The following EBF1 variants were observed in gnomAD, a reference collection of about 807,000 sequenced individuals.
EBF1 encodes the protein transcription factor COE1.
EBF1 carries 10 observed loss-of-function variants against 68.4 expected under a neutral mutation model. The ratio of observed to expected loss-of-function variants is 0.15; its 90% CI spans 0.09 to 0.25. The LOEUF is 0.25. EBF1 is among the 10% of genes least tolerant of loss of function. EBF1 has a pLI of 1.00. For synonymous variants in EBF1, 298 were observed against 299.8 expected (o/e 0.99, Z 0.06); for missense variants, 509 against 794.4 (o/e 0.64, Z 4.32).
At chr5:159,062,262 C>T (rs1775989261) in intron 6 of EBF1, among the ~76,000 whole-genome samples, 1 of 152,196 alleles carries the variant, frequency 6.6e-6, no homozygotes, top group African/African-American at 2.4e-5. Flanking sequence ...AATGTGAGGG[C>T]CTCTGCTTCT....
intron 6 of EBF1, among the ~76,000 whole-genome samples, chr5:158,977,152 C>G (rs1756935590): frequency 6.6e-6 from 1 of 152,200 alleles, no homozygotes; most frequent in African/African-American, 2.4e-5. Context: ...GGAGGCAGAG[C>G]TGAGTAGATG....
intron 10 of EBF1, among the ~76,000 whole-genome samples, chr5:158,755,721 C>A (rs945279590): frequency 6.6e-6 from 1 of 151,992 alleles, no homozygotes; most frequent in East Asian, 1.9e-4. Flanking sequence ...CCTGCAAGGG[C>A]CTTGGTACAA....
intron 6 of EBF1, among the ~76,000 whole-genome samples, chr5:158,865,569 T>C (rs1017319446): frequency 2.6e-5 from 4 of 152,212 alleles, no homozygotes; most frequent in Non-Finnish European, 4.4e-5. Context: ...ATCACAATCA[T>C]TTCCATCTTG....
chr5:159,022,719 G>A (rs1766953822), intron 6 of EBF1, among the ~76,000 whole-genome samples: 1 of 152,118 alleles, frequency 6.6e-6, no homozygotes, highest in Non-Finnish European at 1.5e-5. Context: ...ACCAGCCGCT[G>A]GGATAAGAAC....
At chr5:158,978,833 C>CAGAGAGAGAG (rs60855237) in intron 6 of EBF1, among the ~76,000 whole-genome samples, 10 of 120,090 alleles carry the variant, frequency 8.3e-5, no homozygotes, top group African/African-American at 2.4e-4. Context: ...CACACACACA[C>CAGAGAGAGAG]ACAGAGAGAG....
chr5:158,978,835 C>CACACACAGAG (rs753714441), intron 6 of EBF1, among the ~76,000 whole-genome samples: 8 of 147,046 alleles, frequency 5.4e-5, no homozygotes, highest in African/African-American at 2.1e-4. Context: ...CACACACACA[C>CACACACAGAG]AGAGAGAGAG....
At chr5:158,765,727 A>G (rs1772514619) in intron 10 of EBF1, among the ~76,000 whole-genome samples, 1 of 152,148 alleles carries the variant, frequency 6.6e-6, no homozygotes, top group African/African-American at 2.4e-5. Flanking sequence ...CTCACCATTG[A>G]GAGATACTGC....
At chr5:158,795,840 T>C (rs13177161) in intron 9 of EBF1, among the ~76,000 whole-genome samples, 11,934 of 152,208 alleles carry the variant, frequency 0.078, 519 homozygotes, top group South Asian at 0.11. Context: ...AAGCCCTTTG[T>C]GGTTCTAGGT....
intron 10 of EBF1, among the ~76,000 whole-genome samples, chr5:158,761,354 A>G (rs1273768537): frequency 1.3e-5 from 2 of 152,212 alleles, no homozygotes; most frequent in Non-Finnish European, 2.9e-5. Flanking sequence ...CGATGTTAAC[A>G]TTAGCAGCGC....
At chr5:159,073,528 A>G in intron 5 of EBF1, 64 bp from the exon 6 acceptor site, 2 of 1,578,210 alleles carry the variant, frequency 1.3e-6, no homozygotes, top group Middle Eastern at 1.7e-4. Context: ...ATTTAGGCAG[A>G]CAGAAGGCTC....
chr5:158,845,787 A>T (rs993184897), intron 6 of EBF1, among the ~76,000 whole-genome samples: 1 of 152,202 alleles, frequency 6.6e-6, no homozygotes, highest in Non-Finnish European at 1.5e-5. Flanking sequence ...GCTAAGACAC[A>T]TAAAGGAAAG....
intron 9 of EBF1, among the ~76,000 whole-genome samples, chr5:158,791,227 G>C (rs1409081532): frequency 6.6e-6 from 1 of 151,002 alleles, no homozygotes; most frequent in Non-Finnish European, 1.5e-5. Context: ...GCTGAGGCAG[G>C]AGAATCGCTT....
chr5:158,847,525 G>A (rs1791766173), intron 6 of EBF1, among the ~76,000 whole-genome samples: 1 of 152,200 alleles, frequency 6.6e-6, no homozygotes, highest in Non-Finnish European at 1.5e-5. Flanking sequence ...CCCTAGCAAT[G>A]TCTGACTGGA....
intron 6 of EBF1, among the ~76,000 whole-genome samples, chr5:159,065,364 G>A (rs1776608904): frequency 6.6e-6 from 1 of 152,186 alleles, no homozygotes. Flanking sequence ...GGCAAAGGCG[G>A]AGAATTCACG....
At chr5:158,825,171 T>G (rs1327236088) in intron 7 of EBF1, among the ~76,000 whole-genome samples, 1 of 152,192 alleles carries the variant, frequency 6.6e-6, no homozygotes. Flanking sequence ...GCTTGTATGT[T>G]TACAGGTTAA....
chr5:158,871,310 G>T (rs1796829139), intron 6 of EBF1, among the ~76,000 whole-genome samples: 1 of 152,136 alleles, frequency 6.6e-6, no homozygotes, highest in Admixed American at 6.5e-5. Flanking sequence ...ACAAAGTTCT[G>T]CATGAGAACA....
chr5:158,766,809 AC>A (rs746990141), intron 10 of EBF1, among the ~76,000 whole-genome samples: 64 of 152,186 alleles, frequency 4.2e-4, no homozygotes, highest in Non-Finnish European at 8.1e-4. Flanking sequence ...ACAAAGCAGG[AC>A]GCAAAACTAT....
chr5:158,809,593 A>G (rs1782233000), intron 8 of EBF1, among the ~76,000 whole-genome samples: 1 of 152,204 alleles, frequency 6.6e-6, no homozygotes, highest in South Asian at 2.1e-4. Context: ...TATGAATTAC[A>G]GTAAAATCTC....
At chr5:158,905,746 G>A (rs1687815234) in intron 6 of EBF1, among the ~76,000 whole-genome samples, 1 of 152,060 alleles carries the variant, frequency 6.6e-6, no homozygotes, top group Non-Finnish European at 1.5e-5. Flanking sequence ...ACCGAAGCTG[G>A]GGCAAAGGAG....
Sources: allele counts gnomAD v4.1 joint callset (sites outside exome capture counted in the v4.1 genomes callset), GRCh38; gene constraint gnomAD v4.1.1; transcripts MANE v1.5; gene names NCBI Gene and HGNC (gene_info 2026-07-23, HGNC 2026-07-21).